The following SPATA16 variants were observed in gnomAD, a reference collection of about 807,000 sequenced individuals.
The protein encoded by SPATA16 is spermatogenesis-associated protein 16.
SPATA16 carries 36 observed loss-of-function variants against 63.3 expected under a neutral mutation model. The ratio of observed to expected loss-of-function variants is 0.57; its 90% CI spans 0.44 to 0.75. The LOEUF (loss-of-function observed/expected upper bound fraction) is 0.75, where lower values mean the gene tolerates loss of function less well. SPATA16 is among the 30% of genes least tolerant of loss of function. The probability of loss-of-function intolerance (pLI) is 0.00; values close to 1 mark genes in which losing one functional copy is unlikely to be tolerated. For synonymous variants in SPATA16, 203 were observed against 216.7 expected (o/e 0.94, Z 0.56); for missense variants, 646 against 679.3 (o/e 0.95, Z 0.54).
intron 4 of SPATA16, among the ~76,000 whole-genome samples, chr3:172,977,657 G>C (rs985142186): frequency 1.1e-4 from 16 of 152,172 alleles, no homozygotes; most frequent in Middle Eastern, 3.4e-3. Context: ...AAAAACTATT[G>C]TGCAATGGAT....
rs1364111378 is a variant in SPATA16, at chr3:172,889,702, AT to A, written c.1588-11del. The A allele has an allele frequency of 6.2e-7, 1 of 1,612,432 alleles. No homozygotes were observed. Among genetic ancestry groups the A allele is most frequent in the Admixed American group, 1.7e-5 (1 of 59,980 alleles). The stretch of plus-strand genomic sequence containing the variant: ...CTTCAATTTGTCCAACCTAGAAGAA[AT>A]AAACAGATGCAACAAGATTTGTTGT... On this transcript the variant is annotated splice_polypyrimidine_tract_variant and intron_variant, in intron 10 of 10. Coordinates refer to ENST00000351008, the MANE Select transcript of SPATA16 (RefSeq NM_031955.6).
chr3:172,914,398 A>G (rs2109563078), intron 9 of SPATA16, among the ~76,000 whole-genome samples: 1 of 152,300 alleles, frequency 6.6e-6, no homozygotes, highest in Admixed American at 6.5e-5. Flanking sequence ...AGTTACATCA[A>G]GCCATGTGCT....
At chr3:173,059,832 C>CTTTTTTT (rs201000096) in intron 2 of SPATA16, among the ~76,000 whole-genome samples, 6 of 71,338 alleles carry the variant, frequency 8.4e-5, no homozygotes, top group Non-Finnish European at 1.4e-4. Context: ...CATTTGGTAG[C>CTTTTTTT]TTTTTTTTTT....
chr3:173,073,614 A>G (rs917359203), intron 2 of SPATA16, among the ~76,000 whole-genome samples: 4 of 152,174 alleles, frequency 2.6e-5, no homozygotes, highest in Admixed American at 1.3e-4. Flanking sequence ...CTCTGCCTAG[A>G]TTTTAGAGGA....
At chr3:173,103,703 A>G (rs1054948803) in intron 2 of SPATA16, among the ~76,000 whole-genome samples, 11 of 152,248 alleles carry the variant, frequency 7.2e-5, no homozygotes, top group African/African-American at 2.7e-4. Flanking sequence ...AGGGGCTGCT[A>G]CAAAGATCTC....
intron 2 of SPATA16, among the ~76,000 whole-genome samples, chr3:173,091,832 A>T (rs941231178): frequency 1.3e-5 from 2 of 152,148 alleles, no homozygotes; most frequent in African/African-American, 4.8e-5. Context: ...TAAAATAAAG[A>T]TGCAGCATAA....
chr3:173,012,192 C>T (rs1218488795), intron 4 of SPATA16, among the ~76,000 whole-genome samples: 1 of 152,054 alleles, frequency 6.6e-6, no homozygotes, highest in East Asian at 1.9e-4. Context: ...ACAATAACCA[C>T]ACATACAAAA....
At chr3:172,978,825 G>A (rs1204366796) in intron 4 of SPATA16, among the ~76,000 whole-genome samples, 3 of 152,174 alleles carry the variant, frequency 2.0e-5, no homozygotes, top group Admixed American at 6.5e-5. Context: ...ACCAATTAGC[G>A]TGGCTGTCTT....
chr3:172,953,972 G>A (rs1419167026), intron 6 of SPATA16, among the ~76,000 whole-genome samples: 1 of 152,204 alleles, frequency 6.6e-6, no homozygotes, highest in Non-Finnish European at 1.5e-5. Context: ...AGACTCTTAT[G>A]TTTGCACACA....
chr3:172,931,696 C>CTAG (rs1387630363), intron 6 of SPATA16, among the ~76,000 whole-genome samples: 1 of 152,152 alleles, frequency 6.6e-6, no homozygotes, highest in Non-Finnish European at 1.5e-5. Flanking sequence ...AATAAAATAT[C>CTAG]TAGAGCTTCT....
chr3:172,920,867 A>G (rs1732600690), intron 8 of SPATA16, among the ~76,000 whole-genome samples: 1 of 152,188 alleles, frequency 6.6e-6, no homozygotes, highest in African/African-American at 2.4e-5. Flanking sequence ...TCATGGTATT[A>G]TGTCAAGGAC....
At chr3:173,085,632 G>A (rs981313924) in intron 2 of SPATA16, among the ~76,000 whole-genome samples, 2 of 152,062 alleles carry the variant, frequency 1.3e-5, no homozygotes, top group African/African-American at 4.8e-5. Context: ...TGCCCATTCA[G>A]TATGATATTT....
At chr3:172,912,882 T>A (rs1446191097) in intron 10 of SPATA16, among the ~76,000 whole-genome samples, 1 of 152,172 alleles carries the variant, frequency 6.6e-6, no homozygotes, top group African/African-American at 2.4e-5. Context: ...TCACAGGGCC[T>A]CTGAGTTCAT....
At chr3:173,097,190 A>G (rs1737379383) in intron 2 of SPATA16, among the ~76,000 whole-genome samples, 1 of 152,144 alleles carries the variant, frequency 6.6e-6, no homozygotes, top group Non-Finnish European at 1.5e-5. Flanking sequence ...CCACCCACAC[A>G]TAGTCACTTA....
intron 1 of SPATA16, among the ~76,000 whole-genome samples, chr3:173,128,169 G>A (rs1738276099): frequency 6.6e-6 from 1 of 152,138 alleles, no homozygotes; most frequent in Non-Finnish European, 1.5e-5. Flanking sequence ...ACAGGCTCTG[G>A]TTCCAGGCTC....
chr3:172,949,597 A>G (rs561360467), intron 6 of SPATA16, among the ~76,000 whole-genome samples: 1 of 152,300 alleles, frequency 6.6e-6, no homozygotes, highest in Non-Finnish European at 1.5e-5. Context: ...CAGAGAGGCT[A>G]CATTATAAAA....
intron 3 of SPATA16, among the ~76,000 whole-genome samples, chr3:173,042,261 G>A (rs1201681344): frequency 3.3e-5 from 5 of 151,766 alleles, no homozygotes; most frequent in African/African-American, 7.3e-5. Context: ...GCTCTGTCTC[G>A]CCCAGGCTGG....
At chr3:173,132,073 C>T (rs1342020105) in intron 1 of SPATA16, among the ~76,000 whole-genome samples, 1 of 151,568 alleles carries the variant, frequency 6.6e-6, no homozygotes, top group African/African-American at 2.4e-5. Flanking sequence ...ATATTTATGA[C>T]AAGAGAGTGA....
intron 2 of SPATA16, among the ~76,000 whole-genome samples, chr3:173,100,660 GCACACACACACACACACACACACACACA>G (rs3980195): frequency 7.5e-6 from 1 of 134,074 alleles, no homozygotes; most frequent in African/African-American, 2.7e-5. Context: ...CACATAAACA[GCACACACACACACACACACACACACACA>G]CACACACACA....
Sources: gnomAD v4.1 joint callset for allele counts (sites outside exome capture counted in the v4.1 genomes callset) on GRCh38, gnomAD v4.1.1 for gene constraint, MANE v1.5 for transcripts, NCBI Gene and HGNC (gene_info 2026-07-23, HGNC 2026-07-21) for gene names.